GNAQ: variants seen among roughly 807,000 people sequenced by gnomAD.
GNAQ encodes G protein subunit alpha q.
Under a neutral mutation model 43.9 loss-of-function variants are expected in GNAQ, and 8 were observed. The ratio of observed to expected loss-of-function variants is 0.18; its 90% CI spans 0.11 to 0.33. The LOEUF is 0.33. Ranked by LOEUF, GNAQ falls within the 10% of genes least tolerant of loss-of-function variation. The pLI, the probability that GNAQ is intolerant of heterozygous loss-of-function variation, is 1.00. For synonymous variants in GNAQ, 155 were observed against 170.7 expected (o/e 0.91, Z 0.71); for missense variants, 158 against 450.8 (o/e 0.35, Z 5.88).
At chr9:77,897,197 T>C (rs1475866496) in intron 2 of GNAQ, among the ~76,000 whole-genome samples, 2 of 152,254 alleles carry the variant, frequency 1.3e-5, no homozygotes, top group African/African-American at 4.8e-5. Flanking sequence ...ACGACTATGA[T>C]GCCGGGGAAA....
intron 5 of GNAQ, among the ~76,000 whole-genome samples, chr9:77,772,200 T>C (rs1826232662): frequency 6.6e-6 from 1 of 152,256 alleles, no homozygotes. Context: ...GAAAGTTTCA[T>C]GAAACAATAA....
intron 1 of GNAQ, among the ~76,000 whole-genome samples, chr9:77,981,707 T>C (rs113477411): frequency 1.3e-5 from 2 of 152,222 alleles, no homozygotes; most frequent in Admixed American, 6.5e-5. Context: ...TTATTTCTCA[T>C]GTCCCTAGCC....
At chr9:77,904,736 T>C (rs1208984908) in intron 2 of GNAQ, among the ~76,000 whole-genome samples, 1 of 152,194 alleles carries the variant, frequency 6.6e-6, no homozygotes, top group Admixed American at 6.5e-5. Flanking sequence ...TAGCCTAACA[T>C]TCTTTTCAGT....
intron 2 of GNAQ, among the ~76,000 whole-genome samples, chr9:77,889,085 T>A (rs1828356924): frequency 6.6e-6 from 1 of 152,118 alleles, no homozygotes. Context: ...TACTTAGTCA[T>A]GCCATACCTA....
chr9:77,993,803 T>C (rs954464497), intron 1 of GNAQ, among the ~76,000 whole-genome samples: 29 of 152,234 alleles, frequency 1.9e-4, no homozygotes, highest in African/African-American at 6.5e-4. Flanking sequence ...AAATGACATT[T>C]CAAGACTACT....
intron 1 of GNAQ, among the ~76,000 whole-genome samples, chr9:77,999,718 T>C (rs920895421): frequency 1.3e-5 from 2 of 152,204 alleles, no homozygotes; most frequent in Non-Finnish European, 2.9e-5. Flanking sequence ...GATACATGGA[T>C]GAACAGGATT....
chr9:77,809,840 A>G, intron 3 of GNAQ, among the ~76,000 whole-genome samples: 1 of 152,086 alleles, frequency 6.6e-6, no homozygotes, highest in East Asian at 1.9e-4. Context: ...GTAAAAAGTG[A>G]TTGTCTGGAT....
chr9:77,765,193 A>C (rs1455752323), intron 5 of GNAQ, among the ~76,000 whole-genome samples: 1 of 152,180 alleles, frequency 6.6e-6, no homozygotes, highest in Admixed American at 6.5e-5. Context: ...AGGAAAGCTA[A>C]AGGACATTCT....
intron 2 of GNAQ, among the ~76,000 whole-genome samples, chr9:77,828,079 A>AAAAAAAAAAAAAAAG (rs1827233100): frequency 6.9e-6 from 1 of 144,308 alleles, no homozygotes; most frequent in Non-Finnish European, 1.5e-5. Context: ...AAAAAAAAAA[A>AAAAAAAAAAAAAAAG]AAAAAAAAAA....
chr9:78,025,031 A>G (rs1823959497), intron 1 of GNAQ, among the ~76,000 whole-genome samples: 1 of 152,230 alleles, frequency 6.6e-6, no homozygotes, highest in Admixed American at 6.5e-5. Flanking sequence ...AGAGCTGTAT[A>G]GTTAATCCAA....
chr9:77,745,074 A>T (rs1378170318), intron 5 of GNAQ, among the ~76,000 whole-genome samples: 2 of 152,188 alleles, frequency 1.3e-5, no homozygotes, highest in Admixed American at 6.5e-5. Flanking sequence ...TAGGCTCTGG[A>T]AACATTCAAG....
intron 2 of GNAQ, among the ~76,000 whole-genome samples, chr9:77,849,769 C>T (rs868007144): frequency 5.9e-5 from 9 of 152,118 alleles, no homozygotes; most frequent in Non-Finnish European, 8.8e-5. Flanking sequence ...TAGGCTCAAG[C>T]GATCCTCTCA....
chr9:78,017,709 T>C (rs1291812328), intron 1 of GNAQ, among the ~76,000 whole-genome samples: 1 of 152,086 alleles, frequency 6.6e-6, no homozygotes, highest in East Asian at 1.9e-4. Context: ...CTGTATCAAA[T>C]AATACAAAAC....
At chr9:77,722,300 C>T (rs1825328473) in intron 6 of GNAQ, among the ~76,000 whole-genome samples, 1 of 151,736 alleles carries the variant, frequency 6.6e-6, no homozygotes, top group Admixed American at 6.6e-5. Context: ...TCATGCTTGG[C>T]TAATTTTTAT....
At chr9:78,021,357 G>A (rs1432276371) in intron 1 of GNAQ, among the ~76,000 whole-genome samples, 1 of 151,980 alleles carries the variant, frequency 6.6e-6, no homozygotes, top group Non-Finnish European at 1.5e-5. Flanking sequence ...TCTGATCATG[G>A]TCATACCAAC....
At chr9:77,969,929 G>A (rs1339954273) in intron 1 of GNAQ, among the ~76,000 whole-genome samples, 1 of 152,148 alleles carries the variant, frequency 6.6e-6, no homozygotes, top group Non-Finnish European at 1.5e-5. Context: ...CCAAAGATCT[G>A]AACCTTGTTA....
In GNAQ at chr9:77,777,718, A is replaced by G. The variant is rs527753049; in HGVS notation, c.735+16745T>C. 4.6e-5 allele frequency among the ~76,000 whole-genome samples: 7 copies of G among 152,182 alleles called. No individual in the cohort carries two copies. The South Asian group carries it at 1.4e-3, about 31-fold the overall frequency. ...AAGAAGAGATACAAATGCCTAATAA[A>G]CACCTGAAAACCCCATTAGCCTTTA... On this transcript the variant is annotated intron_variant, in intron 5 of 6. Transcript: ENST00000286548.
At chr9:77,796,392 G>A (rs1370549144) in intron 4 of GNAQ, among the ~76,000 whole-genome samples, 1 of 152,000 alleles carries the variant, frequency 6.6e-6, no homozygotes. Context: ...AATGGGGTGG[G>A]CGCTCCTAGA....
intron 2 of GNAQ, among the ~76,000 whole-genome samples, chr9:77,849,640 A>G (rs1039274934): frequency 1.3e-5 from 2 of 152,116 alleles, no homozygotes; most frequent in Admixed American, 6.5e-5. Flanking sequence ...ACAAAGCAAG[A>G]GCTGGCAGGA....
Sources: allele counts gnomAD v4.1 joint callset (sites outside exome capture counted in the v4.1 genomes callset), GRCh38; gene constraint gnomAD v4.1.1; transcripts MANE v1.5; gene names NCBI Gene and HGNC (gene_info 2026-07-23, HGNC 2026-07-21).